TBXAS1: variants seen among roughly 807,000 people sequenced by gnomAD.
TBXAS1 encodes the protein thromboxane A synthase 1, also known as thromboxane-A synthase.
Under a neutral mutation model 60.7 loss-of-function variants are expected in TBXAS1, and 48 were observed. The ratio of observed to expected loss-of-function variants is 0.79; its 90% CI spans 0.63 to 1.01. The LOEUF (loss-of-function observed/expected upper bound fraction) is 1.01. TBXAS1 is among the 50% of genes least tolerant of loss of function. TBXAS1 has a pLI of 0.00. For synonymous variants in TBXAS1, 287 were observed against 269.7 expected (o/e 1.06, Z -0.63); for missense variants, 685 against 686.3 (o/e 1.00, Z 0.02).
chr7:139,951,907 G>GGAA (rs1809356090), intron 5 of TBXAS1, among the ~76,000 whole-genome samples: 3 of 40,168 alleles, frequency 7.5e-5, no homozygotes, highest in Admixed American at 3.5e-4. Context: ...AGGAAAGAAA[G>GGAA]AGAAAGAAAG....
At chr7:139,971,925 C>T (rs1416493329) in intron 9 of TBXAS1, among the ~76,000 whole-genome samples, 7 of 152,162 alleles carry the variant, frequency 4.6e-5, no homozygotes, top group Non-Finnish European at 7.3e-5. Context: ...TTCTCTGCTC[C>T]TGCTCCACCT....
intron 4 of TBXAS1, among the ~76,000 whole-genome samples, chr7:139,791,511 C>A (rs1797380099): frequency 6.6e-6 from 1 of 152,174 alleles, no homozygotes; most frequent in Non-Finnish European, 1.5e-5. Context: ...GGGAAATGAT[C>A]ACATATGATG....
intron 4 of TBXAS1, among the ~76,000 whole-genome samples, chr7:139,928,693 G>A (rs969533131): frequency 3.3e-5 from 5 of 152,236 alleles, no homozygotes; most frequent in East Asian, 1.9e-4. Flanking sequence ...CCACCAACCC[G>A]TTGCTTCTCC....
chr7:139,813,079 AAAATAAAAT>A, intron 4 of TBXAS1, among the ~76,000 whole-genome samples: 1 of 362 alleles, frequency 2.8e-3, no homozygotes, highest in Non-Finnish European at 7.5e-3. Context: ...TAAAATAAAT[AAAATAAAAT>A]AAAATAAAAT....
chr7:139,907,835 T>C (rs1207719607), intron 3 of TBXAS1, among the ~76,000 whole-genome samples: 1 of 152,078 alleles, frequency 6.6e-6, no homozygotes, highest in Non-Finnish European at 1.5e-5. Flanking sequence ...ATTAGTAGTT[T>C]TGTGGTTGTA....
chr7:139,973,033 C>A (rs1276931062), intron 9 of TBXAS1, among the ~76,000 whole-genome samples: 2 of 151,704 alleles, frequency 1.3e-5, no homozygotes, highest in East Asian at 1.9e-4. Flanking sequence ...GAAGGCACTG[C>A]GTGGGGAGAT....
intron 4 of TBXAS1, among the ~76,000 whole-genome samples, chr7:139,803,043 A>G (rs1797760225): frequency 6.6e-6 from 1 of 152,238 alleles, no homozygotes; most frequent in East Asian, 1.9e-4. Context: ...GGTACTGGTA[A>G]AGTGGGGTAC....
intron 4 of TBXAS1, among the ~76,000 whole-genome samples, chr7:139,914,188 C>A (rs979019169): frequency 1.3e-5 from 2 of 151,532 alleles, no homozygotes; most frequent in Non-Finnish European, 2.9e-5. Flanking sequence ...TGCCACCATG[C>A]CTGGCTAATT....
chr7:139,852,746 C>T lies in TBXAS1; in HGVS notation c.90-19489C>T, dbSNP rs1414185964. On this transcript the variant is annotated intron_variant, in intron 1 of 12. Transcript: ENST00000448866. This position sits in a 1 kb window ranked among gnomAD's most constrained non-coding sequence, Gnocchi z 4.4. ...AAAGGCAAAATTGGTATTTCCCAGG[C>T]CTTTTGGACGGGTCATAGTGCAATA... Among the ~76,000 whole-genome samples, 1 of 152,008 alleles carries T rather than the reference C, an allele frequency of 6.6e-6. No homozygotes were observed. Among genetic ancestry groups the T allele is most frequent in the East Asian group, 1.9e-4 (1 of 5,206 alleles).
chr7:139,888,226 G>T (rs1211877494), intron 3 of TBXAS1, among the ~76,000 whole-genome samples: 2 of 152,114 alleles, frequency 1.3e-5, no homozygotes, highest in Non-Finnish European at 2.9e-5. Context: ...ACTCCTTGCT[G>T]CCAAACCCTT....
At chr7:139,958,345 T>C (rs1002164975) in intron 8 of TBXAS1, among the ~76,000 whole-genome samples, 1 of 152,230 alleles carries the variant, frequency 6.6e-6, no homozygotes, top group Non-Finnish European at 1.5e-5. Context: ...TGCACTATGC[T>C]TGGCACATAG....
chr7:139,841,427 G>A (rs1456672137), intron 1 of TBXAS1, among the ~76,000 whole-genome samples: 1 of 151,878 alleles, frequency 6.6e-6, no homozygotes, highest in Non-Finnish European at 1.5e-5. Flanking sequence ...ACATTTTAAA[G>A]GCATGGATAA....
intron 4 of TBXAS1, chr7:139,913,515 G>A (rs996703389): frequency 4.1e-5 from 10 of 243,100 alleles, no homozygotes; most frequent in Non-Finnish European, 6.7e-5. Context: ...CATGATACCA[G>A]GACATGTGAC....
chr7:139,992,933 G>A (rs1813028156), intron 9 of TBXAS1, among the ~76,000 whole-genome samples: 1 of 152,210 alleles, frequency 6.6e-6, no homozygotes, highest in Admixed American at 6.5e-5. Context: ...CACTTTGGGA[G>A]GCCGAGGTGG....
chr7:139,804,420 C>T (rs931783484), intron 4 of TBXAS1, among the ~76,000 whole-genome samples: 1 of 152,102 alleles, frequency 6.6e-6, no homozygotes, highest in Non-Finnish European at 1.5e-5. Context: ...AAGAGATTTG[C>T]CTTGTCTCAG....
At chr7:139,781,614 CT>C (rs145973074) in intron 2 of TBXAS1, among the ~76,000 whole-genome samples, 1,600 of 152,062 alleles carry the variant, frequency 0.011, 25 homozygotes, top group African/African-American at 0.036. Flanking sequence ...GGCAGATCAC[CT>C]GAGGTCAAGA....
At chr7:139,821,994 C>T (rs1042791409) in intron 4 of TBXAS1, among the ~76,000 whole-genome samples, 1 of 152,324 alleles carries the variant, frequency 6.6e-6, no homozygotes, top group African/African-American at 2.4e-5. Flanking sequence ...TTGAGTGCTC[C>T]CTGTGAGCCA....
intron 4 of TBXAS1, among the ~76,000 whole-genome samples, chr7:139,810,891 G>A (rs1230140352): frequency 6.6e-6 from 1 of 152,156 alleles, no homozygotes; most frequent in East Asian, 1.9e-4. Context: ...TCATAACAGA[G>A]CTAAAACCAA....
At chr7:139,830,684 G>A (rs893318107) in intron 1 of TBXAS1, among the ~76,000 whole-genome samples, 3 of 152,190 alleles carry the variant, frequency 2.0e-5, no homozygotes, top group Middle Eastern at 3.4e-3. Flanking sequence ...CGGGAAGCCC[G>A]AAGCACAGTG....
Sources: gnomAD v4.1 joint callset for allele counts (sites outside exome capture counted in the v4.1 genomes callset) on GRCh38, gnomAD v4.1.1 for gene constraint, Gnocchi (gnomAD v3.1) non-coding constraint, MANE v1.5 for transcripts, NCBI Gene and HGNC (gene_info 2026-07-23, HGNC 2026-07-21) for gene names.